SPOCK2: variants seen among roughly 807,000 people sequenced by gnomAD.
The protein encoded by SPOCK2 is testican-2.
A neutral mutation model predicts 60.1 loss-of-function variants in SPOCK2; 39 were observed. The observed-to-expected ratio is 0.65, with a 90% CI of 0.50 to 0.85. The LOEUF (loss-of-function observed/expected upper bound fraction) is 0.85. Ranked by LOEUF, SPOCK2 falls within the 40% of genes least tolerant of loss-of-function variation. The pLI is 0.00. For synonymous variants in SPOCK2, 217 were observed against 231.5 expected, an observed-to-expected ratio of 0.94 and a Z score of 0.57; for missense variants, 523 against 567.4, an observed-to-expected ratio of 0.92 and a Z score of 0.80.
At chr10:72,088,892 G>A (rs1840904466), upstream of SPOCK2, 1 of 152,482 alleles carries the variant, frequency 6.6e-6, no homozygotes, top group Non-Finnish European at 1.5e-5. Flanking sequence ...GTGTCGGAAA[G>A]GGAATTTGGC....
chr10:72,086,536 G>A lies in SPOCK2; in HGVS notation c.189+1604C>T, dbSNP rs1254865442. 75 of 1,135,084 alleles carry A rather than the reference G, an allele frequency of 6.6e-5. 1 individual carries two copies. The Middle Eastern group carries it at 2.0e-3, about 31-fold the overall frequency. 70.3% of individuals were successfully genotyped at this position (1,135,084 alleles called of 1,614,324 possible). A position where few individuals can be genotyped will look rare whatever the true frequency, so the allele number is the denominator to read the frequency against. ...GTGACACATGGATTCCGGATGGGCC[G>A]GCCTGCTGCCGCCCCCTCGCTGCTG... On this transcript the variant is annotated intron_variant, in intron 1 of 10. Coordinates refer to ENST00000373109, the MANE Select transcript of SPOCK2 (RefSeq NM_001244950.2).
rs1422206162 is a variant in SPOCK2 at position 72,088,298 on chromosome 10, G to A, written c.31C>T (p.Leu11=). The change falls in exon 1 of 11, where the codon CTG becomes TTG. Residue 11 remains leucine (L), a synonymous_variant. Coordinates refer to ENST00000373109, the MANE Select transcript of SPOCK2 (RefSeq NM_001244950.2). ...GCCGCGGCCAGGAGCAGCAGCGGCAGCACCAGCCGCCCGCAGCCCGGGGCG... is the reference window on the plus strand; with the variant it reads ...GCCGCGGCCAGGAGCAGCAGCGGCAACACCAGCCGCCCGCAGCCCGGGGCG... MRAPGCGRLV[L]PLLLLAAAAL... 5 of 1,593,014 alleles carry A rather than the reference G, an allele frequency of 3.1e-6. No individual in the cohort carries two copies. In the South Asian group the frequency reaches 5.6e-5, roughly 18 times the overall value.
chr10:72,070,524 G>T (rs1456385770), intron 4 of SPOCK2, 98 bp from the exon 5 acceptor site: 2 of 1,161,584 alleles, frequency 1.7e-6, no homozygotes, highest in South Asian at 1.4e-5. Context: ...CAGGAAGGCA[G>T]CAGCAATCTT....
rs1840657529 is a variant in SPOCK2, at chr10:72,072,274, G to A, written c.245-16C>T. 5.3e-6 allele frequency: 8 copies of A among 1,509,190 alleles called. No homozygotes were observed. Among genetic ancestry groups the A allele is most frequent in the African/African-American group, 2.8e-5 (2 of 71,644 alleles). 93.5% of individuals were successfully genotyped at this position (1,509,190 alleles called of 1,614,324 possible). Reference sequence around the variant, plus strand: ...GTATCCAGGGCTGCAGGGGCACAGAGTCAGGACACAGGTCACCTGGGAGAA... The same window carrying A: ...GTATCCAGGGCTGCAGGGGCACAGAATCAGGACACAGGTCACCTGGGAGAA... On this transcript the variant is annotated splice_polypyrimidine_tract_variant and intron_variant, in intron 3 of 10. Transcript: ENST00000373109.
intron 1 of SPOCK2, among the ~76,000 whole-genome samples, chr10:72,078,282 A>G (rs1053100694): frequency 1.5e-4 from 23 of 152,242 alleles, no homozygotes; most frequent in Non-Finnish European, 1.9e-4. Context: ...TTGGGAGGCC[A>G]AGGCGGGCGG....
chr10:72,067,757 A>AG lies in SPOCK2; in HGVS notation c.590-26dup, dbSNP rs762533402. On this transcript the variant is annotated intron_variant, in intron 6 of 10. Transcript: ENST00000373109. ...TCTGCAGAACAGAGAGAAGGCATGG[A>AG]GGGCGAATGTGCAGTGGAGCAGCAG... The AG allele has an allele frequency of 3.3e-5, 53 of 1,608,988 alleles. No homozygotes were observed. In the Middle Eastern group the frequency reaches 9.9e-4, roughly 30 times the overall value.
At chr10:72,067,484 T>C (rs2131812211) in intron 7 of SPOCK2, 129 bp downstream of exon 7, 2 of 1,475,006 alleles carry the variant, frequency 1.4e-6, no homozygotes, top group East Asian at 2.3e-5. Flanking sequence ...AAGGTTCTTT[T>C]GGGGCCCAGA....
chr10:72,066,590 T>A (rs1840571338), intron 8 of SPOCK2, among the ~76,000 whole-genome samples: 1 of 151,486 alleles, frequency 6.6e-6, no homozygotes, highest in Non-Finnish European at 1.5e-5. Flanking sequence ...TCCTCCCACC[T>A]TGGCCTCCCA....
rs1165316850 is a variant in SPOCK2, at chr10:72,067,736, C to A, written c.590-4G>T. 4 of 1,612,672 alleles carry A rather than the reference C, an allele frequency of 2.5e-6. No individual in the cohort carries two copies. In the African/African-American group the frequency reaches 4.0e-5, roughly 16 times the overall value. ...AGGTCCTGACCGGTGCAAGTCTCTG[C>A]AGAACAGAGAGAAGGCATGGAGGGC... On this transcript the variant is annotated splice_region_variant and splice_polypyrimidine_tract_variant and intron_variant, in intron 6 of 10. Transcript: ENST00000373109.
intron 1 of SPOCK2, among the ~76,000 whole-genome samples, chr10:72,082,742 T>C (rs1281310251): frequency 3.3e-5 from 5 of 149,898 alleles, no homozygotes; most frequent in Non-Finnish European, 7.4e-5. Flanking sequence ...TGATCCCAGC[T>C]ACTTGGGAGG....
At chr10:72,064,659 T>C (rs1246655403) in intron 8 of SPOCK2, among the ~76,000 whole-genome samples, 1 of 152,224 alleles carries the variant, frequency 6.6e-6, no homozygotes, top group Non-Finnish European at 1.5e-5. Flanking sequence ...CAATGGACGG[T>C]GGCCCCATAA....
intron 8 of SPOCK2, 101 bp downstream of exon 8, chr10:72,066,801 C>T (rs371913066): frequency 6.4e-5 from 87 of 1,351,738 alleles, no homozygotes; most frequent in African/African-American, 1.0e-4. Flanking sequence ...GGCCTGGGGA[C>T]GTAGCCAAGA....
At chr10:72,076,001 A>G (rs533664063) in intron 1 of SPOCK2, among the ~76,000 whole-genome samples, 1 of 152,312 alleles carries the variant, frequency 6.6e-6, no homozygotes, top group Non-Finnish European at 1.5e-5. Context: ...GGGTCCAGGA[A>G]GCACTTAACA....
chr10:72,082,159 G>T (rs1451368234), intron 1 of SPOCK2, among the ~76,000 whole-genome samples: 1 of 152,228 alleles, frequency 6.6e-6, no homozygotes, highest in Non-Finnish European at 1.5e-5. Context: ...TGTGCCAAAT[G>T]AGTTATGGCC....
intron 1 of SPOCK2, chr10:72,086,496 G>A (rs533794470): frequency 9.3e-7 from 1 of 1,073,164 alleles, no homozygotes; most frequent in South Asian, 2.6e-5. Flanking sequence ...GCGAGTCGGA[G>A]GGAGGCCTAG....
intron 8 of SPOCK2, among the ~76,000 whole-genome samples, chr10:72,065,349 G>C (rs1840554813): frequency 6.6e-6 from 1 of 152,216 alleles, no homozygotes; most frequent in African/African-American, 2.4e-5. Context: ...GTTTAGCTAT[G>C]TTTAGATGCA....
At position 72,072,912 on chromosome 10, in the gene SPOCK2, T is replaced by C; in HGVS notation, c.190-2A>G. ...CTGGGCAGTACTCACCTCCACTTCC[T>C]GGAGATCAGGGAACAGCAGCAGGCC... On this transcript the variant is annotated splice_acceptor_variant, in intron 1 of 10. Transcript: ENST00000373109. LOFTEE classifies it high-confidence loss of function. 6.4e-7 allele frequency: 1 copy of C among 1,555,088 alleles called. No homozygotes were observed. The highest frequency in any genetic ancestry group is 8.7e-7 in the Non-Finnish European group (1 of 1,148,926).
chr10:72,065,663 CG>C (rs1840558580), intron 8 of SPOCK2, among the ~76,000 whole-genome samples: 1 of 152,214 alleles, frequency 6.6e-6, no homozygotes, highest in Admixed American at 6.5e-5. Flanking sequence ...GGACAGTTCC[CG>C]GCCTCCTGCC....
chr10:72,083,913 C>T (rs967877575), intron 1 of SPOCK2, among the ~76,000 whole-genome samples: 2 of 152,160 alleles, frequency 1.3e-5, no homozygotes, highest in Non-Finnish European at 2.9e-5. Context: ...CAGACGTCGG[C>T]GCAGCGCATC....
Sources: allele counts gnomAD v4.1 joint callset (sites outside exome capture counted in the v4.1 genomes callset), GRCh38; gene constraint gnomAD v4.1.1; transcripts MANE v1.5; gene names NCBI Gene and HGNC (gene_info 2026-07-23, HGNC 2026-07-21).